Variants in PDGFD observed in about 807,000 individuals in gnomAD.
PDGFD encodes platelet-derived growth factor D.
Under a neutral mutation model 44.7 loss-of-function variants are expected in PDGFD, and 30 were observed. The observed-to-expected ratio is 0.67, with a 90% CI of 0.50 to 0.91. The LOEUF is 0.91. Ranked by LOEUF, PDGFD falls within the 40% of genes least tolerant of loss-of-function variation. The pLI, the probability that PDGFD is intolerant of heterozygous loss-of-function variation, is 0.00. For missense variants in PDGFD, 445 were observed against 457.8 expected (o/e 0.97, Z 0.25); for synonymous variants, 173 against 168.4 (o/e 1.03, Z -0.21).
rs1274016083 is a variant in PDGFD, at chr11:104,037,809, T to C, written c.125-37554A>G. The C allele has an allele frequency of 2.5e-6, 4 of 1,614,052 alleles. No homozygotes were observed. The South Asian group carries it at 4.4e-5, about 18-fold the overall frequency. On this transcript the variant is annotated intron_variant, in intron 1 of 6. Coordinates refer to ENST00000393158, the MANE Select transcript of PDGFD (RefSeq NM_025208.5). ...TTGAGGATCAACCCATGGATATGCT[T>C]CTAGGCCTAGATATGCTCCGGAGAC...
intron 3 of PDGFD, among the ~76,000 whole-genome samples, chr11:103,986,469 A>T (rs1277998668): frequency 6.6e-6 from 1 of 152,164 alleles, no homozygotes; most frequent in African/African-American, 2.4e-5. Context: ...TCTTCTTTCC[A>T]TATTACTGCC....
intron 3 of PDGFD, among the ~76,000 whole-genome samples, chr11:103,948,382 T>C (rs926377575): frequency 6.6e-6 from 1 of 152,194 alleles, no homozygotes; most frequent in African/African-American, 2.4e-5. Context: ...AAAACATTAG[T>C]TATCTCAGAT....
intron 3 of PDGFD, among the ~76,000 whole-genome samples, chr11:103,965,633 G>A (rs1173510073): frequency 6.6e-6 from 1 of 152,170 alleles, no homozygotes; most frequent in Non-Finnish European, 1.5e-5. Context: ...TCAAGGCAAG[G>A]GCAGCAGAGG....
At chr11:104,034,421 T>C (rs1478477409) in intron 1 of PDGFD, among the ~76,000 whole-genome samples, 1 of 152,180 alleles carries the variant, frequency 6.6e-6, no homozygotes, top group African/African-American at 2.4e-5. Context: ...TAGTCTTCCA[T>C]CTGAGACAAA....
chr11:104,074,767 C>A (rs1194243944), intron 1 of PDGFD, among the ~76,000 whole-genome samples: 3 of 152,176 alleles, frequency 2.0e-5, no homozygotes, highest in East Asian at 1.9e-4. Context: ...CAGTTTGCAA[C>A]AAAATTCTTC....
intron 1 of PDGFD, among the ~76,000 whole-genome samples, chr11:104,027,912 C>T (rs754000658): frequency 1.3e-5 from 2 of 151,990 alleles, no homozygotes; most frequent in South Asian, 2.1e-4. Flanking sequence ...AAGCATAGGC[C>T]GGGCGCGGTG....
chr11:104,092,274 C>T (rs547190956), intron 1 of PDGFD, among the ~76,000 whole-genome samples: 48 of 152,150 alleles, frequency 3.2e-4, no homozygotes, highest in Non-Finnish European at 4.4e-4. Context: ...ATGATTACTG[C>T]TTACCAGGGA....
intron 1 of PDGFD, among the ~76,000 whole-genome samples, chr11:104,026,767 G>C (rs1201930063): frequency 1.3e-5 from 2 of 152,146 alleles, no homozygotes; most frequent in Non-Finnish European, 2.9e-5. Context: ...ATTTGTTTTG[G>C]GGATTTGGTT....
At position 103,908,201 on chromosome 11, in the gene PDGFD, C is replaced by G. The variant is rs186617015; in HGVS notation, c.*1493G>C. On this transcript the variant is annotated 3_prime_UTR_variant, in exon 7 of 7. Coordinates refer to ENST00000393158, the MANE Select transcript of PDGFD (RefSeq NM_025208.5). ...TAGTTCTCTGTTAGCAGTCCCTGAGCTATCTGAATTTCGGTGTTTCTCTCT... is the reference window on the plus strand; with the variant it reads ...TAGTTCTCTGTTAGCAGTCCCTGAGGTATCTGAATTTCGGTGTTTCTCTCT... 6.6e-6 allele frequency: 1 copy of G among 152,184 alleles called. No homozygotes were observed. The highest frequency in any genetic ancestry group is 1.5e-5 in the Non-Finnish European group (1 of 68,034). The allele number at this position is 152,184 out of a possible 1,614,324, so 9.4% of individuals were successfully genotyped here. A position where few individuals can be genotyped will look rare whatever the true frequency, so the allele number is the denominator to read the frequency against.
chr11:104,024,698 T>C lies in PDGFD; in HGVS notation c.125-24443A>G, dbSNP rs529192717. ...CCACTCTATGATGTTCACACAATGA[T>C]GAAATCACCTAAAGATGCATTTCTC... On this transcript the variant is annotated intron_variant, in intron 1 of 6. Coordinates refer to ENST00000393158, the MANE Select transcript of PDGFD (RefSeq NM_025208.5). 3.6e-4 allele frequency among the ~76,000 whole-genome samples: 55 copies of C among 152,320 alleles called. 1 individual carries two copies. In the South Asian group the frequency reaches 0.01, roughly 29 times the overall value.
chr11:104,112,743 C>T (rs763355501), intron 1 of PDGFD, among the ~76,000 whole-genome samples: 14 of 151,954 alleles, frequency 9.2e-5, no homozygotes, highest in Non-Finnish European at 1.9e-4. Context: ...GAACTGGAGA[C>T]CATTATCCTT....
At chr11:104,064,149 T>C (rs1860753109) in intron 1 of PDGFD, among the ~76,000 whole-genome samples, 1 of 152,248 alleles carries the variant, frequency 6.6e-6, no homozygotes, top group African/African-American at 2.4e-5. Flanking sequence ...AATGTGTTTA[T>C]ACAGTAGAAA....
intron 1 of PDGFD, among the ~76,000 whole-genome samples, chr11:104,110,911 A>T (rs922279582): frequency 2.0e-5 from 3 of 152,152 alleles, no homozygotes; most frequent in African/African-American, 7.2e-5. Flanking sequence ...AATAAAAACT[A>T]AAAAAATCCT....
intron 1 of PDGFD, among the ~76,000 whole-genome samples, chr11:104,029,853 G>T (rs1473122065): frequency 6.6e-6 from 1 of 152,154 alleles, no homozygotes; most frequent in East Asian, 1.9e-4. Context: ...TTGTATGATA[G>T]ATAAGTGTTT....
intron 3 of PDGFD, among the ~76,000 whole-genome samples, chr11:103,956,852 G>A (rs1858858938): frequency 6.6e-6 from 1 of 152,180 alleles, no homozygotes. Context: ...TGGCTGCATA[G>A]ATGTCTTCTT....
At chr11:104,094,650 C>T (rs1217250732) in intron 1 of PDGFD, among the ~76,000 whole-genome samples, 1 of 152,110 alleles carries the variant, frequency 6.6e-6, no homozygotes, top group East Asian at 1.9e-4. Context: ...ATTCTGTTAT[C>T]TATAACTATA....
At chr11:104,113,301 C>G (rs1377450388) in intron 1 of PDGFD, among the ~76,000 whole-genome samples, 4 of 152,080 alleles carry the variant, frequency 2.6e-5, no homozygotes, top group Non-Finnish European at 5.9e-5. Flanking sequence ...ATCGAAGCTC[C>G]TACCTACAGA....
chr11:104,098,689 AT>A (rs1555052823), intron 1 of PDGFD, among the ~76,000 whole-genome samples: 1 of 151,706 alleles, frequency 6.6e-6, no homozygotes, highest in Non-Finnish European at 1.5e-5. Context: ...TTAATTTTTA[AT>A]TTTTTTGTAG....
intron 1 of PDGFD, chr11:104,036,754 C>G: frequency 1.5e-6 from 2 of 1,298,646 alleles, no homozygotes; most frequent in South Asian, 2.6e-5. Flanking sequence ...ACCAACGACG[C>G]AGGCCCGCCC....
Sources: allele counts gnomAD v4.1 joint callset (sites outside exome capture counted in the v4.1 genomes callset), GRCh38; gene constraint gnomAD v4.1.1; transcripts MANE v1.5; gene names NCBI Gene and HGNC (gene_info 2026-07-23, HGNC 2026-07-21).